The following VPS13C variants were observed in gnomAD, a reference collection of about 807,000 sequenced individuals.
VPS13C encodes the protein vacuolar protein sorting 13 homolog C.
Under a neutral mutation model 456.8 loss-of-function variants are expected in VPS13C, and 358 were observed. The ratio of observed to expected loss-of-function variants is 0.78; its 90% CI spans 0.72 to 0.86. The LOEUF (loss-of-function observed/expected upper bound fraction) is 0.86. Ranked by LOEUF, VPS13C falls within the 40% of genes least tolerant of loss-of-function variation. The pLI is 0.00. For missense variants in VPS13C, 4,818 were observed against 4,385.4 expected (o/e 1.10, Z -2.79); for synonymous variants, 1,578 against 1,486.7 (o/e 1.06, Z -1.41).
intron 15 of VPS13C, among the ~76,000 whole-genome samples, chr15:62,001,060 A>G (rs980072922): frequency 6.6e-6 from 1 of 152,248 alleles, no homozygotes; most frequent in Admixed American, 6.5e-5. Flanking sequence ...CTGCAAATCA[A>G]TAATTAGGCT....
intron 71 of VPS13C, 54 bp from the exon 72 acceptor site, chr15:61,881,008 CA>C (rs1237563422): frequency 2.1e-6 from 3 of 1,435,446 alleles, no homozygotes; most frequent in Non-Finnish European, 2.9e-6. Context: ...TTTTAATTTT[CA>C]ATGTTAAAAC....
chr15:61,884,380 T>A, intron 67 of VPS13C, 111 bp from the exon 68 acceptor site: 1 of 1,129,248 alleles, frequency 8.9e-7, no homozygotes, highest in Non-Finnish European at 1.2e-6. Flanking sequence ...ATTACATTGG[T>A]ATAAGGGACT....
At chr15:62,058,613 C>T (rs1405683714) in intron 1 of VPS13C, among the ~76,000 whole-genome samples, 1 of 152,140 alleles carries the variant, frequency 6.6e-6, no homozygotes, top group Non-Finnish European at 1.5e-5. Flanking sequence ...CATACAAATA[C>T]TAGGCCATTT....
At chr15:61,966,935 G>A (rs1418233421) in intron 29 of VPS13C, among the ~76,000 whole-genome samples, 1 of 151,974 alleles carries the variant, frequency 6.6e-6, no homozygotes, top group Non-Finnish European at 1.5e-5. Context: ...CTTGAAGGCA[G>A]CTAAATACCA....
In VPS13C at chr15:61,867,554, CATA is replaced by C. The variant is rs1238262707; in HGVS notation, c.10863+1102_10863+1104del. 9.9e-7 allele frequency: 1 copy of C among 1,010,402 alleles called. No homozygotes were observed. Among genetic ancestry groups the C allele is most frequent in the Non-Finnish European group, 1.2e-6 (1 of 847,346 alleles). 62.6% of individuals were successfully genotyped at this position (1,010,402 alleles called of 1,614,324 possible). The stretch of plus-strand genomic sequence containing the variant: ...CACAAACATAAACATATTAATTGGA[CATA>C]ATAATTGTCCTGTTTTTCAATTTTA... On this transcript the variant is annotated intron_variant, in intron 81 of 84. Coordinates refer to ENST00000644861, the MANE Select transcript of VPS13C (RefSeq NM_020821.3). This position sits in a 1 kb window ranked among gnomAD's most constrained non-coding sequence, Gnocchi z 5.0.
chr15:61,997,450 C>T (rs139743388), intron 16 of VPS13C, among the ~76,000 whole-genome samples: 2 of 152,252 alleles, frequency 1.3e-5, no homozygotes, highest in African/African-American at 4.8e-5. Flanking sequence ...ATTTCTATAT[C>T]CAGCACAGAC....
rs1347462496 is a variant in VPS13C at position 61,921,889 on chromosome 15, A to T, written c.7062+58T>A. ...CATCTTAAGAATCACTGAAATAAAA[A>T]CTATGAATGAATATGCATAGTATCA... is the stretch of plus-strand genomic sequence containing the variant. On this transcript the variant is annotated intron_variant, in intron 55 of 84. Transcript: ENST00000644861. The T allele has an allele frequency of 3.9e-6, 6 of 1,547,956 alleles. No individual in the cohort carries two copies. In the Admixed American group the frequency reaches 8.4e-5, roughly 22 times the overall value.
At chr15:61,988,145 G>T (rs749838230) in intron 18 of VPS13C, among the ~76,000 whole-genome samples, 1 of 152,128 alleles carries the variant, frequency 6.6e-6, no homozygotes, top group Non-Finnish European at 1.5e-5. Flanking sequence ...GCATGAACTG[G>T]AAAAAGTAAT....
intron 31 of VPS13C, among the ~76,000 whole-genome samples, chr15:61,964,496 A>T (rs1473981886): frequency 6.6e-6 from 1 of 152,038 alleles, no homozygotes; most frequent in East Asian, 1.9e-4. Context: ...CCACCACCAA[A>T]ATAAGAACTA....
At chr15:61,889,016 T>C (rs1896477278) in intron 67 of VPS13C, among the ~76,000 whole-genome samples, 1 of 152,096 alleles carries the variant, frequency 6.6e-6, no homozygotes, top group African/African-American at 2.4e-5. Context: ...ATAAGGCTGC[T>C]CAAAAAAAGT....
chr15:61,902,237 T>C (rs1163232210), intron 66 of VPS13C, among the ~76,000 whole-genome samples: 1 of 150,206 alleles, frequency 6.7e-6, no homozygotes, highest in African/African-American at 2.5e-5. Flanking sequence ...AATGTGCACA[T>C]GTACCCTAAA....
At chr15:61,921,511 G>C (rs1283663799) in intron 55 of VPS13C, among the ~76,000 whole-genome samples, 3 of 151,758 alleles carry the variant, frequency 2.0e-5, no homozygotes, top group African/African-American at 7.3e-5. Flanking sequence ...CTTCATTTAT[G>C]TTTTATCTAC....
chr15:62,029,050 G>A (rs530507608), intron 5 of VPS13C, among the ~76,000 whole-genome samples: 14 of 152,120 alleles, frequency 9.2e-5, no homozygotes, highest in East Asian at 5.8e-4. Context: ...CACCCCCGCT[G>A]GCTATGGATG....
At chr15:62,033,593 A>G in intron 4 of VPS13C, 51 bp from the exon 5 acceptor site, 2 of 1,342,406 alleles carry the variant, frequency 1.5e-6, no homozygotes, top group East Asian at 5.1e-5. Context: ...TAATAAATAA[A>G]CAAACGGAAA....
At chr15:62,037,251 ATT>A (rs66808118) in intron 3 of VPS13C, among the ~76,000 whole-genome samples, 3 of 32,434 alleles carry the variant, frequency 9.2e-5, no homozygotes, top group South Asian at 5.3e-4. Flanking sequence ...TATATAATAT[ATT>A]TATATATATT....
chr15:62,008,188 G>A (rs567258358), intron 14 of VPS13C, among the ~76,000 whole-genome samples: 3 of 152,046 alleles, frequency 2.0e-5, no homozygotes, highest in East Asian at 3.9e-4. Context: ...CCAAGATCGC[G>A]TCACCGCACC....
chr15:61,860,237 A>G (rs1412753960), intron 82 of VPS13C, among the ~76,000 whole-genome samples: 2 of 152,216 alleles, frequency 1.3e-5, no homozygotes, highest in Non-Finnish European at 2.9e-5. Flanking sequence ...TAAAAGGTAC[A>G]GGCTCAACAG....
Position 61,878,753 on chromosome 15 carries a change from G to C in VPS13C, c.10003-7C>G, listed in dbSNP as rs1332565900. On this transcript the variant is annotated splice_polypyrimidine_tract_variant and splice_region_variant and intron_variant, in intron 73 of 84. Coordinates refer to ENST00000644861, the MANE Select transcript of VPS13C (RefSeq NM_020821.3). ...AAGACAAACTCAAATGCAACTAAAA[G>C]AAAAATAATGTTCAATAAATGAAAG... is the stretch of plus-strand genomic sequence containing the variant. 6.3e-7 allele frequency: 1 copy of C among 1,597,120 alleles called. No homozygotes were observed. The highest frequency in any genetic ancestry group is 8.5e-7 in the Non-Finnish European group (1 of 1,173,024).
rs544326092 is a variant in VPS13C, at chr15:61,876,423, C to CA, written c.10224+549dup. On this transcript the variant is annotated intron_variant, in intron 75 of 84. Transcript: ENST00000644861. The stretch of plus-strand genomic sequence containing the variant: ...ATTAGATGGAAAATAATAACCAAAA[C>CA]AAAAAAAAGGGAAAACATATCCTCA... Among the ~76,000 whole-genome samples the CA allele has an allele frequency of 3.3e-5, 5 of 149,722 alleles. No individual in the cohort carries two copies. In the South Asian group the frequency reaches 6.3e-4, roughly 19 times the overall value.
Sources: gnomAD v4.1 joint callset for allele counts (sites outside exome capture counted in the v4.1 genomes callset) on GRCh38, gnomAD v4.1.1 for gene constraint, Gnocchi (gnomAD v3.1) non-coding constraint, MANE v1.5 for transcripts, NCBI Gene and HGNC (gene_info 2026-07-23, HGNC 2026-07-21) for gene names.